The following CEP192 variants were observed in gnomAD, a reference collection of about 807,000 sequenced individuals.
CEP192 encodes centrosomal protein 192.
CEP192 carries 151 observed loss-of-function variants against 271.8 expected under a neutral mutation model. The ratio of observed to expected loss-of-function variants is 0.56; its 90% CI spans 0.49 to 0.64. CEP192 has a LOEUF of 0.64. CEP192 is among the 30% of genes least tolerant of loss of function. The probability of loss-of-function intolerance (pLI) is 0.00; values close to 1 mark genes in which losing one functional copy is unlikely to be tolerated. For missense variants in CEP192, 2,910 were observed against 3,020.5 expected (o/e 0.96, Z 0.86); for synonymous variants, 995 against 1,076.5 (o/e 0.92, Z 1.48).
chr18:13,107,238 T>C (rs1261857982), intron 40 of CEP192, among the ~76,000 whole-genome samples: 1 of 152,194 alleles, frequency 6.6e-6, no homozygotes, highest in Admixed American at 6.5e-5. Flanking sequence ...GGCGCATGAC[T>C]CTAGTCTTAG....
rs115508156 is a variant in CEP192, at chr18:13,023,761, C to A, written c.1050+4555C>A. Among the ~76,000 whole-genome samples the A allele has an allele frequency of 8.9e-3, 1,355 of 152,142 alleles. 18 individuals are homozygous for A. The highest frequency in any genetic ancestry group is 0.031 in the African/African-American group (1,295 of 41,492). On this transcript the variant is annotated intron_variant, in intron 9 of 44. Coordinates refer to ENST00000506447, the MANE Select transcript of CEP192 (RefSeq NM_032142.4). ...TTCATAGAATCTGTTAGTAAGTATT[C>A]CCTCTGCTATTTTCTGAAAAAGGTT...
chr18:13,054,554 T>C (rs2036980253), intron 18 of CEP192, among the ~76,000 whole-genome samples: 1 of 152,172 alleles, frequency 6.6e-6, no homozygotes, highest in South Asian at 2.1e-4. Flanking sequence ...AGAGCTGGGT[T>C]ATGGTGTCAG....
At chr18:13,063,063 T>A (rs891159868) in intron 21 of CEP192, among the ~76,000 whole-genome samples, 1 of 152,262 alleles carries the variant, frequency 6.6e-6, no homozygotes, top group Non-Finnish European at 1.5e-5. Context: ...TGGATCTCAT[T>A]CTTCCTATGG....
rs1293348622 is a variant in CEP192, at chr18:13,010,566, G to A, written c.466+1935G>A. ...ACTATCAAGAAAGGAAAAAGACGGGGCCGGGCACGGTGGCTCACACCGGTA... is the reference window on the plus strand; with the variant it reads ...ACTATCAAGAAAGGAAAAAGACGGGACCGGGCACGGTGGCTCACACCGGTA... On this transcript the variant is annotated intron_variant, in intron 4 of 44. Coordinates refer to ENST00000506447, the MANE Select transcript of CEP192 (RefSeq NM_032142.4). Among the ~76,000 whole-genome samples the A allele has an allele frequency of 9.2e-5, 14 of 152,310 alleles. No individual in the cohort carries two copies. In the East Asian group the frequency reaches 2.7e-3, roughly 29 times the overall value.
At chr18:13,055,147 C>T (rs1405531632) in intron 18 of CEP192, among the ~76,000 whole-genome samples, 2 of 151,960 alleles carry the variant, frequency 1.3e-5, no homozygotes, top group East Asian at 1.9e-4. Flanking sequence ...GGCATGATAG[C>T]GGGTGCCTGT....
intron 42 of CEP192, among the ~76,000 whole-genome samples, chr18:13,116,143 G>A (rs887498923): frequency 2.6e-5 from 4 of 152,330 alleles, no homozygotes; most frequent in Middle Eastern, 3.4e-3. Flanking sequence ...CTTCTGGCAG[G>A]TAGAGACCCA....
Position 13,059,223 on chromosome 18 carries a change from T to G in CEP192, c.4399T>G (p.Cys1467Gly). The G allele has an allele frequency of 6.2e-7, 1 of 1,614,226 alleles. No homozygotes were observed. Among genetic ancestry groups the G allele is most frequent in the South Asian group, 1.1e-5 (1 of 91,088 alleles). Residue 1467 changes from cysteine to glycine, a missense_variant, in exon 21 of 45, where the codon TGT becomes GGT. Cys to Gly is a radical substitution (Grantham distance 159). Coordinates refer to ENST00000506447, the MANE Select transcript of CEP192 (RefSeq NM_032142.4). ...CACATTCAGTGTTGCTTCTTGGCCA[T>G]GTTCGACAGATGCTGAGACCATCGT... ...RCTFSVASWP[C>G]STDAETIVQA...
chr18:13,082,013 T>C (rs188410899), intron 30 of CEP192, among the ~76,000 whole-genome samples: 14 of 152,102 alleles, frequency 9.2e-5, no homozygotes, highest in Non-Finnish European at 1.9e-4. Context: ...CTGAGGAGTG[T>C]TTTACTTCCA....
chr18:13,016,173 G>A (rs530301383), intron 6 of CEP192, among the ~76,000 whole-genome samples: 1 of 152,266 alleles, frequency 6.6e-6, no homozygotes, highest in African/African-American at 2.4e-5. Context: ...GAATTATAGG[G>A]GGTGAGAAAT....
Position 13,052,924 on chromosome 18 carries a change from C to T in CEP192, c.3023C>T (p.Ala1008Val), listed in dbSNP as rs779975587. Residue 1008 changes from alanine to valine, a missense_variant, in exon 18 of 45, where the codon GCG (alanine) becomes GTG (valine). Ala to Val is a moderately conservative substitution (Grantham distance 64). Transcript: ENST00000506447. ...GAGCTACTCTTCTCTTTCAGGTGTG[C>T]GTTAGAGTCCTTTGGTTCAGCAGCT... Reference protein sequence around the residue: ...EISGTSSSGCALESFGSAAQQ... With the variant: ...EISGTSSSGCVLESFGSAAQQ... 8.7e-6 allele frequency: 14 copies of T among 1,601,016 alleles called. No individual in the cohort carries two copies. Among genetic ancestry groups the T allele is most frequent in the East Asian group, 6.7e-5 (3 of 44,616 alleles).
chr18:13,069,794 T>G lies in CEP192; in HGVS notation c.5112T>G (p.Pro1704=). The part of the protein sequence containing the change: ...SVDPKNLLLK[P]GEEHEVIVSF... Reference sequence around the variant, plus strand: ...ATCCAAAGAATCTACTCCTTAAACCTGGAGAAGAACATGAGGTTATTGTTT... The same window carrying G: ...ATCCAAAGAATCTACTCCTTAAACCGGGAGAAGAACATGAGGTTATTGTTT... Residue 1704 remains proline, a synonymous_variant, in exon 27 of 45, where the codon CCT becomes CCG. Transcript: ENST00000506447. 1 of 1,604,818 alleles carries G rather than the reference T, an allele frequency of 6.2e-7. No homozygotes were observed. The highest frequency in any genetic ancestry group is 8.5e-7 in the Non-Finnish European group (1 of 1,171,890).
At chr18:13,095,876 C>G (rs2039373511) in intron 35 of CEP192, among the ~76,000 whole-genome samples, 195 bp downstream of exon 35, 1 of 152,190 alleles carries the variant, frequency 6.6e-6, no homozygotes, top group Non-Finnish European at 1.5e-5. Context: ...GGCCACACTC[C>G]TCAATGAGGC....
At chr18:13,091,808 G>A (rs2144747472) in intron 33 of CEP192, among the ~76,000 whole-genome samples, 1 of 152,118 alleles carries the variant, frequency 6.6e-6, no homozygotes, top group South Asian at 2.1e-4. Flanking sequence ...TTAATTAAAT[G>A]AATAGTTCTA....
At chr18:13,053,767 A>G (rs1429453124) in intron 18 of CEP192, among the ~76,000 whole-genome samples, 3 of 152,068 alleles carry the variant, frequency 2.0e-5, no homozygotes, top group African/African-American at 7.2e-5. Context: ...ACAGCTCACT[A>G]CAGCCTGGGA....
chr18:12,996,288 T>C (rs1346350106), intron 1 of CEP192, among the ~76,000 whole-genome samples: 1 of 151,990 alleles, frequency 6.6e-6, no homozygotes, highest in Admixed American at 6.6e-5. Flanking sequence ...GCATAGGGAT[T>C]GCACGTGATG....
chr18:13,024,608 A>G (rs1391875835), intron 9 of CEP192, among the ~76,000 whole-genome samples: 1 of 150,790 alleles, frequency 6.6e-6, no homozygotes, highest in Admixed American at 6.6e-5. Flanking sequence ...AATTACAGGC[A>G]TGCACCACCA....
At chr18:13,099,674 T>C in intron 37 of CEP192, 93 bp downstream of exon 37, 1 of 649,510 alleles carries the variant, frequency 1.5e-6, no homozygotes, top group South Asian at 2.3e-5. Context: ...ATTTCAGAAA[T>C]CAAATGAAAG....
chr18:13,038,589 G>C lies in CEP192; in HGVS notation c.1809+10G>C. The C allele has an allele frequency of 6.5e-7, 1 of 1,543,616 alleles. No individual in the cohort carries two copies. The highest frequency in any genetic ancestry group is 8.8e-7 in the Non-Finnish European group (1 of 1,139,964). On this transcript the variant is annotated intron_variant, in intron 13 of 44. Coordinates refer to ENST00000506447, the MANE Select transcript of CEP192 (RefSeq NM_032142.4). ...TAACAATGTGAAAAGAGTAAGTATGGAATCTGTTGGAAGTGCTCACAGTCA... is the reference window on the plus strand; with the variant it reads ...TAACAATGTGAAAAGAGTAAGTATGCAATCTGTTGGAAGTGCTCACAGTCA...
chr18:13,010,535 A>T (rs1032356945), intron 4 of CEP192, among the ~76,000 whole-genome samples: 2 of 152,238 alleles, frequency 1.3e-5, no homozygotes, highest in African/African-American at 2.4e-5. Context: ...TTATGCTTCA[A>T]AAGACACTAT....
Sources: allele counts gnomAD v4.1 joint callset (sites outside exome capture counted in the v4.1 genomes callset), GRCh38; gene constraint gnomAD v4.1.1; transcripts MANE v1.5; gene names NCBI Gene and HGNC (gene_info 2026-07-23, HGNC 2026-07-21).